Variants in CSMD1 observed in about 807,000 individuals in gnomAD.
CSMD1 encodes the protein CUB and Sushi multiple domains 1, also known as CUB and sushi domain-containing protein 1.
A neutral mutation model predicts 417.5 loss-of-function variants in CSMD1; 213 were observed. The observed-to-expected ratio is 0.51, with a 90% CI of 0.46 to 0.57. The LOEUF (loss-of-function observed/expected upper bound fraction) is 0.57, where lower values mean the gene tolerates loss of function less well. CSMD1 is among the 20% of genes least tolerant of loss of function. The pLI is 0.00. For synonymous variants in CSMD1, 2,862 were observed against 1,736.8 expected, an observed-to-expected ratio of 1.65 and a Z score of -16.11; for missense variants, 6,923 against 4,529.7, an observed-to-expected ratio of 1.53 and a Z score of -15.17.
At chr8:3,291,288 T>A (rs185561691) in intron 25 of CSMD1, among the ~76,000 whole-genome samples, 57 of 152,292 alleles carry the variant, frequency 3.7e-4, no homozygotes, top group African/African-American at 1.3e-3. Flanking sequence ...AAAATTCTCT[T>A]TTTTTGTTGT....
intron 5 of CSMD1, among the ~76,000 whole-genome samples, chr8:3,996,817 T>C (rs866501248): frequency 9.8e-5 from 15 of 152,342 alleles, no homozygotes; most frequent in Middle Eastern, 3.4e-3. Context: ...TCTCCATGAA[T>C]AGGAATCATC....
intron 1 of CSMD1, among the ~76,000 whole-genome samples, chr8:4,823,172 G>C (rs1799615286): frequency 6.6e-6 from 1 of 151,968 alleles, no homozygotes; most frequent in South Asian, 2.1e-4. Flanking sequence ...GCTGGTTCCT[G>C]TCAGATCTGT....
At chr8:3,202,967 A>G (rs560486752) in intron 31 of CSMD1, among the ~76,000 whole-genome samples, 19 of 152,158 alleles carry the variant, frequency 1.2e-4, no homozygotes, top group Non-Finnish European at 7.4e-5. Flanking sequence ...TAATTTCTCT[A>G]CAGATCTTGC....
Position 3,396,217 on chromosome 8 carries a change from A to G in CSMD1, c.2570T>C (p.Ile857Thr). Residue 857 changes from isoleucine (I) to threonine (T), a missense_variant, in exon 17 of 70, where the codon ATC (isoleucine) becomes ACC (threonine). By Grantham distance (89) the Ile-to-Thr change is moderately conservative. Transcript: ENST00000635120. The stretch of plus-strand genomic sequence containing the variant: ...ACTCTCATAGTGGATGAGGAAGCCG[A>G]TGCTGGAGCGGCTGTTGTCAGTGGT... ...LFTTDNSRSS[I>T]GFLIHYESVT... is the part of the protein sequence containing the mutation. 6.4e-7 allele frequency: 1 copy of G among 1,566,576 alleles called. No homozygotes were observed. Among genetic ancestry groups the G allele is most frequent in the African/African-American group, 1.4e-5 (1 of 73,984 alleles).
chr8:4,089,866 C>G (rs1473509303), intron 3 of CSMD1, among the ~76,000 whole-genome samples: 1 of 152,036 alleles, frequency 6.6e-6, no homozygotes, highest in African/African-American at 2.4e-5. Context: ...GATCTCACCA[C>G]AGAGAAGTAC....
At chr8:4,318,658 T>TAC (rs1554528674) in intron 3 of CSMD1, among the ~76,000 whole-genome samples, 1 of 151,238 alleles carries the variant, frequency 6.6e-6, no homozygotes, top group Non-Finnish European at 1.5e-5. Context: ...ACGTCACTGA[T>TAC]TGTTTTTGAT....
At chr8:3,709,799 T>C (rs1223855740) in intron 6 of CSMD1, among the ~76,000 whole-genome samples, 2 of 149,840 alleles carry the variant, frequency 1.3e-5, no homozygotes, top group Middle Eastern at 3.2e-3. Flanking sequence ...TTCGGTCTTG[T>C]CAGCTTCATA....
At chr8:4,867,706 G>A (rs1802498961) in intron 1 of CSMD1, among the ~76,000 whole-genome samples, 1 of 152,074 alleles carries the variant, frequency 6.6e-6, no homozygotes, top group Admixed American at 6.5e-5. Flanking sequence ...ATTTGTGTGT[G>A]TGTAAATTGT....
At chr8:4,907,710 C>A (rs975472257) in intron 1 of CSMD1, among the ~76,000 whole-genome samples, 1 of 142,660 alleles carries the variant, frequency 7.0e-6, no homozygotes. Context: ...AGGCACATGC[C>A]ACTATCCCCG....
chr8:3,514,945 G>A (rs1022941567), intron 10 of CSMD1, among the ~76,000 whole-genome samples: 1 of 151,994 alleles, frequency 6.6e-6, no homozygotes, highest in African/African-American at 2.4e-5. Flanking sequence ...TATTTGAATT[G>A]ATAAATATTA....
At chr8:4,447,220 C>T (rs1798868622) in intron 2 of CSMD1, among the ~76,000 whole-genome samples, 1 of 152,246 alleles carries the variant, frequency 6.6e-6, no homozygotes, top group East Asian at 1.9e-4. Flanking sequence ...ATATACATGA[C>T]AAAGTTCTTG....
At position 3,151,425 on chromosome 8, in the gene CSMD1, G is replaced by C; in HGVS notation, c.6003C>G (p.Thr2001=). The change falls in exon 40 of 70, where the codon ACC becomes ACG. Residue 2001 remains threonine (T), a synonymous_variant. Transcript: ENST00000635120. ...PGSYPNNLDC[T]WRISLPIGYG... ...AGCCGATGGGTAATGAGATCCTCCA[G>C]GTGCAGTCTAAGTTGTTGGGGTAAG... 2 of 1,613,288 alleles carry C rather than the reference G, an allele frequency of 1.2e-6. No homozygotes were observed. Among genetic ancestry groups the C allele is most frequent in the Non-Finnish European group, 1.7e-6 (2 of 1,179,364 alleles).
chr8:4,105,311 T>C (rs1001639638), intron 3 of CSMD1, among the ~76,000 whole-genome samples: 1 of 150,704 alleles, frequency 6.6e-6, no homozygotes, highest in Admixed American at 6.7e-5. Flanking sequence ...ATTGCTTTAG[T>C]GATCTTAATC....
intron 1 of CSMD1, among the ~76,000 whole-genome samples, chr8:4,694,707 A>C (rs1807003565): frequency 6.6e-6 from 1 of 152,022 alleles, no homozygotes; most frequent in Non-Finnish European, 1.5e-5. Flanking sequence ...ATGTTTCCCT[A>C]CAATGTGTAA....
At chr8:3,085,646 T>G (rs1332471370) in intron 49 of CSMD1, among the ~76,000 whole-genome samples, 7 of 152,194 alleles carry the variant, frequency 4.6e-5, no homozygotes, top group Non-Finnish European at 1.0e-4. Context: ...AACTTAGCAT[T>G]AAATAGTTCT....
chr8:4,395,631 T>C (rs1804150791), intron 3 of CSMD1, among the ~76,000 whole-genome samples: 3 of 152,018 alleles, frequency 2.0e-5, no homozygotes, highest in African/African-American at 7.3e-5. Flanking sequence ...ATTATACTAA[T>C]ACTTCTATCT....
intron 3 of CSMD1, among the ~76,000 whole-genome samples, chr8:4,156,870 G>A (rs890348060): frequency 6.6e-6 from 1 of 152,150 alleles, no homozygotes; most frequent in Non-Finnish European, 1.5e-5. Context: ...CTGAGCTTAA[G>A]TCTCCTCATA....
At chr8:3,392,672 CATCATGAGTTCCCTGA>C (rs1399083043) in intron 17 of CSMD1, among the ~76,000 whole-genome samples, 1 of 152,082 alleles carries the variant, frequency 6.6e-6, no homozygotes, top group Non-Finnish European at 1.5e-5. Context: ...TTCTGATTTT[CATCATGAGTTCCCTGA>C]ATCACAATAT....
chr8:3,001,896 G>C (rs1807435768), intron 52 of CSMD1, among the ~76,000 whole-genome samples: 2 of 152,154 alleles, frequency 1.3e-5, no homozygotes, highest in Non-Finnish European at 2.9e-5. Context: ...TATCCTTCTA[G>C]GGAGATTTAA....
Sources: allele counts gnomAD v4.1 joint callset (sites outside exome capture counted in the v4.1 genomes callset), GRCh38; gene constraint gnomAD v4.1.1; transcripts MANE v1.5; gene names NCBI Gene and HGNC (gene_info 2026-07-23, HGNC 2026-07-21).